FGD3: variants seen among roughly 807,000 people sequenced by gnomAD.
The protein encoded by FGD3 is FYVE, RhoGEF and PH domain containing 3.
A neutral mutation model predicts 71.8 loss-of-function variants in FGD3; 45 were observed. The observed-to-expected ratio is 0.63, with a 90% CI of 0.49 to 0.80. FGD3 has a LOEUF of 0.80. FGD3 is among the 30% of genes least tolerant of loss of function. The probability of loss-of-function intolerance (pLI) is 0.00; values close to 1 mark genes in which losing one functional copy is unlikely to be tolerated. For missense variants in FGD3, 844 were observed against 951.5 expected (o/e 0.89, Z 1.49); for synonymous variants, 378 against 392.8 (o/e 0.96, Z 0.44).
At chr9:93,024,427 C>A (rs1389428589) in intron 14 of FGD3, among the ~76,000 whole-genome samples, 2 of 152,248 alleles carry the variant, frequency 1.3e-5, no homozygotes, top group Non-Finnish European at 2.9e-5. Context: ...GCCTCCCACA[C>A]ACACAGCTCA....
chr9:93,022,471 A>G, intron 14 of FGD3, 82 bp downstream of exon 14: 1 of 1,482,848 alleles, frequency 6.7e-7, no homozygotes, highest in South Asian at 1.2e-5. Context: ...GGGAAGATGG[A>G]GAGGGAGGGT....
intron 1 of FGD3, among the ~76,000 whole-genome samples, chr9:92,971,832 C>T (rs1263718381): frequency 6.6e-6 from 1 of 151,896 alleles, no homozygotes; most frequent in East Asian, 1.9e-4. Flanking sequence ...TAAACTTTGA[C>T]ATGGGGTGTG....
intron 1 of FGD3, among the ~76,000 whole-genome samples, chr9:92,955,102 AG>A: frequency 6.6e-6 from 1 of 152,210 alleles, no homozygotes; most frequent in African/African-American, 2.4e-5. Context: ...GGGTAGGGAG[AG>A]GTGCTCCCAA....
intron 10 of FGD3, 88 bp from the exon 11 acceptor site, chr9:93,018,048 G>A (rs1861770461): frequency 1.5e-5 from 20 of 1,296,464 alleles, no homozygotes; most frequent in Non-Finnish European, 2.0e-5. Context: ...TTACCTCCTT[G>A]GGGAAACACT....
intron 1 of FGD3, among the ~76,000 whole-genome samples, chr9:92,955,951 C>A (rs770202020): frequency 4.6e-5 from 7 of 152,120 alleles, no homozygotes; most frequent in Non-Finnish European, 8.8e-5. Flanking sequence ...CTTGTTATTG[C>A]TGAGTGCTGT....
intron 3 of FGD3, among the ~76,000 whole-genome samples, chr9:92,990,128 A>G (rs909821659): frequency 1.3e-5 from 2 of 151,966 alleles, no homozygotes; most frequent in Admixed American, 6.6e-5. Flanking sequence ...GTGATACAAT[A>G]TAGGTTTTCT....
At chr9:92,972,342 C>T (rs991483767) in intron 1 of FGD3, among the ~76,000 whole-genome samples, 4 of 150,804 alleles carry the variant, frequency 2.7e-5, no homozygotes, top group Non-Finnish European at 5.9e-5. Flanking sequence ...ATCCCAGCTA[C>T]TCAGGAGGCT....
Position 93,035,212 on chromosome 9 carries a change from C to T in FGD3, c.1927-126C>T, listed in dbSNP as rs564195418. ...GTGCAGGCACAGCCACCAGACCCCT[C>T]GGGCTCAGCACCTGCCTTGCGTTGC... On this transcript the variant is annotated intron_variant, in intron 17 of 17. Transcript: ENST00000375482. The T allele has an allele frequency of 3.9e-5, 53 of 1,367,912 alleles. No individual in the cohort carries two copies. The African/African-American group carries it at 4.7e-4, about 12-fold the overall frequency. The allele number at this position is 1,367,912 out of a possible 1,614,324, so 84.7% of individuals were successfully genotyped here.
At chr9:92,959,842 C>T (rs1353491531) in intron 1 of FGD3, among the ~76,000 whole-genome samples, 2 of 151,948 alleles carry the variant, frequency 1.3e-5, no homozygotes, top group African/African-American at 2.4e-5. Context: ...CCTTGTGTCC[C>T]CATGCCCCCA....
intron 6 of FGD3, among the ~76,000 whole-genome samples, chr9:93,009,946 A>G (rs10761189): frequency 0.69 from 104,545 of 152,118 alleles, 37,372 homozygotes; most frequent in African/African-American, 0.9. Context: ...CACTCTTGAC[A>G]GGAGGAGACA....
chr9:92,956,830 C>CTT (rs1859059243), intron 1 of FGD3, among the ~76,000 whole-genome samples: 1 of 128,298 alleles, frequency 7.8e-6, no homozygotes, highest in African/African-American at 3.1e-5. Flanking sequence ...CATATAATTG[C>CTT]TTTCTTTCTT....
chr9:93,029,908 G>A lies in FGD3; in HGVS notation c.1592G>A (p.Arg531His), dbSNP rs1165853489. 1.1e-5 allele frequency: 17 copies of A among 1,613,344 alleles called. No individual in the cohort carries two copies. Among genetic ancestry groups the A allele is most frequent in the Middle Eastern group, 3.3e-4 (2 of 6,082 alleles). ...AGAAAACTATCCTCTAAGACCAGAC[G>A]TGACAAGGAGAAGCAGAGCTGTAAG... ...EPRKLSSKTR[R>H]DKEKQSCKSC... Residue 531 changes from arginine to histidine, a missense_variant, in exon 15 of 18, where the codon CGT (arginine) becomes CAT (histidine). Physicochemically the swap from Arg to His is conservative, Grantham distance 29. Transcript: ENST00000375482.
intron 15 of FGD3, among the ~76,000 whole-genome samples, chr9:93,030,707 CG>C (rs1054231528): frequency 6.8e-5 from 1 of 14,800 alleles, no homozygotes; most frequent in Non-Finnish European, 1.2e-4. Context: ...TGCCACATGG[CG>C]GGGGGGCAGC....
intron 1 of FGD3, among the ~76,000 whole-genome samples, 191 bp downstream of exon 1, chr9:92,947,920 T>C (rs1328426342): frequency 6.6e-6 from 1 of 152,080 alleles, no homozygotes; most frequent in Non-Finnish European, 1.5e-5. Flanking sequence ...TTTAATCAGC[T>C]TTCTGCCCCC....
chr9:93,011,138 G>A lies in FGD3; in HGVS notation c.977-76G>A, dbSNP rs998741642. ...GAGACAGATCCTCTCTCTGGAGGCA[G>A]CTGCCCTGGAGCCCCTCAGGCAAGC... On this transcript the variant is annotated intron_variant, in intron 7 of 17. Coordinates refer to ENST00000375482, the MANE Select transcript of FGD3 (RefSeq NM_001083536.2). 6 of 1,437,160 alleles carry A rather than the reference G, an allele frequency of 4.2e-6. No homozygotes were observed. The African/African-American group carries it at 7.0e-5, about 17-fold the overall frequency. 89.0% of individuals were successfully genotyped at this position (1,437,160 alleles called of 1,614,324 possible). A position where few individuals can be genotyped will look rare whatever the true frequency, so the allele number is the denominator to read the frequency against.
Position 93,034,575 on chromosome 9 carries a change from T to A in FGD3, c.1820T>A (p.Leu607His). The part of the protein sequence containing the change: ...TPTADPQPSL[L>H]CGPLRLSESG... The stretch of plus-strand genomic sequence containing the variant: ...ACTGCAGACCCCCAGCCCAGCCTGC[T>A]CTGCGGCCCCCTGCGGCTGTCAGAG... Residue 607 changes from leucine to histidine, a missense_variant, in exon 17 of 18, where the codon CTC becomes CAC. Transcript: ENST00000375482. 6.2e-7 allele frequency: 1 copy of A among 1,613,150 alleles called. No homozygotes were observed. Among genetic ancestry groups the A allele is most frequent in the Non-Finnish European group, 8.5e-7 (1 of 1,179,710 alleles).
chr9:92,965,664 G>A (rs1859297296), intron 1 of FGD3, among the ~76,000 whole-genome samples: 1 of 152,254 alleles, frequency 6.6e-6, no homozygotes, highest in South Asian at 2.1e-4. Flanking sequence ...GGTTAGAGCT[G>A]AAATGACCTT....
chr9:92,949,126 G>A (rs1469574187), intron 1 of FGD3, among the ~76,000 whole-genome samples: 2 of 152,150 alleles, frequency 1.3e-5, no homozygotes. Flanking sequence ...CCCAGAGAGG[G>A]GGTCACACAT....
Position 93,003,857 on chromosome 9 carries a change from G to A in FGD3, c.544-144G>A, listed in dbSNP as rs1860947525. On this transcript the variant is annotated intron_variant, in intron 4 of 17. Transcript: ENST00000375482. The surrounding 1 kb of genome is among the most constrained non-coding windows in gnomAD (Gnocchi z 4.1). ...CTGAACCAGTTGGATGAAAAGGGAG[G>A]ACAATAATTCTGAAATTCATTAAGA... is the stretch of plus-strand genomic sequence containing the variant. 1.0e-6 allele frequency: 1 copy of A among 979,788 alleles called. No individual in the cohort carries two copies. The highest frequency in any genetic ancestry group is 1.5e-6 in the Non-Finnish European group (1 of 656,522). 60.7% of individuals were successfully genotyped at this position (979,788 alleles called of 1,614,324 possible). A position where few individuals can be genotyped will look rare whatever the true frequency, so the allele number is the denominator to read the frequency against.
Sources: allele counts gnomAD v4.1 joint callset (sites outside exome capture counted in the v4.1 genomes callset), GRCh38; gene constraint gnomAD v4.1.1; non-coding constraint Gnocchi (gnomAD v3.1); transcripts MANE v1.5; gene names NCBI Gene and HGNC (gene_info 2026-07-23, HGNC 2026-07-21).